The following RNF17 variants were observed in gnomAD, a reference collection of about 807,000 sequenced individuals.
RNF17 encodes the protein ring finger protein 17.
Under a neutral mutation model 200.5 loss-of-function variants are expected in RNF17, and 31 were observed. That is an observed-to-expected ratio of 0.15 (90% CI 0.12 to 0.21). The LOEUF is 0.21. Ranked by LOEUF, RNF17 falls within the 10% of genes least tolerant of loss-of-function variation. RNF17 has a pLI of 1.00. For missense variants in RNF17, 1,628 were observed against 1,905.1 expected (o/e 0.85, Z 2.71); for synonymous variants, 606 against 637.8 (o/e 0.95, Z 0.75).
At position 24,870,625 on chromosome 13, in the gene RNF17, G is replaced by T; in HGVS notation, c.4333G>T (p.Asp1445Tyr). The change falls in exon 32 of 36, where the codon GAC becomes TAC. Residue 1445 changes from aspartate (D) to tyrosine (Y), a missense_variant. Physicochemically the swap from Asp to Tyr is radical, Grantham distance 160. Coordinates refer to ENST00000255324, the MANE Select transcript of RNF17 (RefSeq NM_031277.3). ...ETSNQSNQHS[D>Y]TDDSGVSGES... ...TTCTAACCAGTCTAACCAGCATAGT[G>T]ACACAGATGATAGTGGAGTCAGCGG... 6.2e-7 allele frequency: 1 copy of T among 1,614,054 alleles called. No individual in the cohort carries two copies. The highest frequency in any genetic ancestry group is 1.1e-5 in the South Asian group (1 of 91,050).
the RNF17 span, among the ~76,000 whole-genome samples, chr13:24,750,165 G>A: frequency 1.6e-4 from 25 of 152,064 alleles, no homozygotes; most frequent in Admixed American, 5.9e-4. Context: ...TCAGATTATC[G>A]CTACTTCAGA....
chr13:24,846,899 A>G (rs1331415353), intron 22 of RNF17, among the ~76,000 whole-genome samples: 1 of 152,180 alleles, frequency 6.6e-6, no homozygotes, highest in Non-Finnish European at 1.5e-5. Flanking sequence ...AGGTATACAT[A>G]TATGTGTAGG....
At chr13:24,812,553 A>G (rs1593316516) in intron 15 of RNF17, among the ~76,000 whole-genome samples, 1 of 151,644 alleles carries the variant, frequency 6.6e-6, no homozygotes, top group East Asian at 2.0e-4. Flanking sequence ...GGCACTCCCT[A>G]GTGAGATGAA....
At chr13:24,873,727 A>G (rs1265596069) in intron 32 of RNF17, among the ~76,000 whole-genome samples, 3 of 137,518 alleles carry the variant, frequency 2.2e-5, no homozygotes, top group African/African-American at 5.1e-5. Context: ...TTTGCCTTTC[A>G]TGGCCTCATG....
At chr13:24,863,582 G>C (rs1034951943) in intron 28 of RNF17, among the ~76,000 whole-genome samples, 7 of 152,108 alleles carry the variant, frequency 4.6e-5, no homozygotes, top group Admixed American at 4.6e-4. Context: ...AAGTATTTCT[G>C]TATTAAAGGA....
At chr13:24,875,880 C>T (rs1167147562) in intron 33 of RNF17, among the ~76,000 whole-genome samples, 1 of 152,200 alleles carries the variant, frequency 6.6e-6, no homozygotes, top group African/African-American at 2.4e-5. Flanking sequence ...AGAAAGTTAG[C>T]GGAAGCTTTA....
At chr13:24,833,030 G>A (rs762872211) in intron 18 of RNF17, among the ~76,000 whole-genome samples, 41 of 152,158 alleles carry the variant, frequency 2.7e-4, no homozygotes, top group Non-Finnish European at 5.6e-4. Context: ...ACAGGTGTGA[G>A]CCACTTTGCC....
At chr13:24,886,574 CA>C in the RNF17 span, among the ~76,000 whole-genome samples, 3 of 152,206 alleles carry the variant, frequency 2.0e-5, no homozygotes, top group Admixed American at 2.0e-4. Context: ...TGGGAGTACA[CA>C]GGGGTTTAGG....
chr13:24,774,886 A>G lies in RNF17; in HGVS notation c.299A>G (p.Glu100Gly), dbSNP rs1309612810. ...TATATTAAGGAAGACTCCATAATGG[A>G]AAAACTGCAGCCTAAGACGTATGTT... is the stretch of plus-strand genomic sequence containing the variant. The part of the protein sequence containing the change: ...AGYIKEDSIM[E>G]KLQPKTIKNC... Residue 100 changes from glutamate (E) to glycine (G), a missense_variant, in exon 3 of 36, where the codon GAA (glutamate) becomes GGA (glycine). Physicochemically the swap from Glu to Gly is moderately conservative, Grantham distance 98. This residue lies in a region of RNF17 where 502 missense variants were observed against 501.7 expected (regional missense o/e 1.00). Coordinates refer to ENST00000255324, the MANE Select transcript of RNF17 (RefSeq NM_031277.3). 6.2e-7 allele frequency: 1 copy of G among 1,605,756 alleles called. No individual in the cohort carries two copies.
intron 15 of RNF17, among the ~76,000 whole-genome samples, chr13:24,815,084 T>C (rs1206925276): frequency 6.6e-6 from 1 of 152,194 alleles, no homozygotes; most frequent in African/African-American, 2.4e-5. Context: ...CAGAGAAATG[T>C]CATTGGGATT....
At chr13:24,775,820 C>T (rs932444628) in intron 3 of RNF17, among the ~76,000 whole-genome samples, 1 of 152,160 alleles carries the variant, frequency 6.6e-6, no homozygotes, top group Non-Finnish European at 1.5e-5. Context: ...TCTTTTCCTG[C>T]TAGTCTGTAA....
rs775398893 is a variant in RNF17, at chr13:24,764,209, G to A, written c.6G>A (p.Ala2=). The A allele has an allele frequency of 4.4e-6, 7 of 1,592,166 alleles. No homozygotes were observed. Among genetic ancestry groups the A allele is most frequent in the African/African-American group, 2.7e-5 (2 of 74,652 alleles). M[A]AEASKTGPSR... is the part of the protein sequence containing the mutation. ...TCCAGAAGAAAGAGACAGCGATGGC[G>A]GCAGAGGCTTCGAAGACTGGGCCTT... Residue 2 remains alanine (A), a synonymous_variant, in exon 1 of 36, where the codon GCG becomes GCA. Transcript: ENST00000255324.
Position 24,843,931 on chromosome 13 carries a change from A to G in RNF17, c.2791A>G (p.Ile931Val). 1 of 1,557,696 alleles carries G rather than the reference A, an allele frequency of 6.4e-7. No homozygotes were observed. Among genetic ancestry groups the G allele is most frequent in the Non-Finnish European group, 8.7e-7 (1 of 1,147,894 alleles). The change falls in exon 20 of 36, where the codon ATT (isoleucine) becomes GTT (valine). Residue 931 changes from isoleucine (I) to valine (V), a missense_variant. By Grantham distance (29) the Ile-to-Val change is conservative (BLOSUM62 3). Coordinates refer to ENST00000255324, the MANE Select transcript of RNF17 (RefSeq NM_031277.3). ...HICNVISPEK[I>V]YVQWLLTENL... is the part of the protein sequence containing the mutation. The stretch of plus-strand genomic sequence containing the variant: ...CTGTAATGTAATATCTCCTGAGAAG[A>G]TTTATGTTCAGTGGTTGTTAACTGA...
At chr13:24,794,202 C>T (rs1884248780) in intron 10 of RNF17, 1 of 456,524 alleles carries the variant, frequency 2.2e-6, no homozygotes, top group South Asian at 1.5e-5. Flanking sequence ...TCCAAAAAAG[C>T]CTCTTCAGAA....
intron 18 of RNF17, among the ~76,000 whole-genome samples, chr13:24,841,377 C>G (rs1890624600): frequency 6.6e-6 from 1 of 152,156 alleles, no homozygotes. Context: ...TTTCATTCAC[C>G]TTGGTCCTCC....
chr13:24,816,111 G>C (rs1193682504), intron 15 of RNF17, among the ~76,000 whole-genome samples: 3 of 152,028 alleles, frequency 2.0e-5, no homozygotes, highest in African/African-American at 4.8e-5. Flanking sequence ...TGTTACACAG[G>C]CTGGTCTCAA....
At chr13:24,843,201 G>T (rs1367317429) in intron 19 of RNF17, among the ~76,000 whole-genome samples, 1 of 152,108 alleles carries the variant, frequency 6.6e-6, no homozygotes, top group Admixed American at 6.5e-5. Context: ...GAGCGGAAAA[G>T]AAATGAGAAT....
rs1432316039 is a variant in RNF17, at chr13:24,825,809, A to G, written c.2245+37A>G. On this transcript the variant is annotated intron_variant, in intron 16 of 35. Transcript: ENST00000255324. ...CATGCTGTTTCTACAGGGAGATGTC[A>G]TACTTCAAAACTAATATCATTTGAG... The G allele has an allele frequency of 2.5e-6, 4 of 1,587,278 alleles. No individual in the cohort carries two copies. In the South Asian group the frequency reaches 3.4e-5, roughly 14 times the overall value.
Position 24,787,914 on chromosome 13 carries a change from A to G in RNF17, c.612-74A>G, listed in dbSNP as rs1013475446. On this transcript the variant is annotated intron_variant, in intron 6 of 35. Transcript: ENST00000255324. The stretch of plus-strand genomic sequence containing the variant: ...TCATCAACTACTGAACTTACTCTTC[A>G]AGATACTATAGATCGACTTTTTCTA... 8 of 1,210,262 alleles carry G rather than the reference A, an allele frequency of 6.6e-6. 1 individual carries two copies. The Middle Eastern group carries it at 2.0e-3, about 301-fold the overall frequency. The allele number at this position is 1,210,262 out of a possible 1,614,324, so 75.0% of individuals were successfully genotyped here.
Sources: allele counts gnomAD v4.1 joint callset (sites outside exome capture counted in the v4.1 genomes callset), GRCh38; gene constraint gnomAD v4.1.1; regional missense constraint gnomAD v4.1.1; transcripts MANE v1.5; gene names NCBI Gene and HGNC (gene_info 2026-07-23, HGNC 2026-07-21).